LCT: variants seen among roughly 807,000 people sequenced by gnomAD.
LCT encodes the protein lactase/phlorizin hydrolase.
In LCT, 90 loss-of-function variants were observed where a neutral mutation model predicts 173.0. The ratio of observed to expected loss-of-function variants is 0.52; its 90% CI spans 0.44 to 0.62. The LOEUF (loss-of-function observed/expected upper bound fraction) is 0.62. LCT is among the 20% of genes least tolerant of loss of function. The probability of loss-of-function intolerance (pLI) is 0.00; values close to 1 mark genes in which losing one functional copy is unlikely to be tolerated. For missense variants in LCT, 1,864 were observed against 2,431.4 expected (o/e 0.77, Z 4.91); for synonymous variants, 853 against 957.6 (o/e 0.89, Z 2.02).
intron 6 of LCT, among the ~76,000 whole-genome samples, chr2:135,813,727 T>C (rs536009527): frequency 1.3e-5 from 2 of 152,358 alleles, no homozygotes; most frequent in African/African-American, 4.8e-5. Context: ...CCTTAATAAG[T>C]GCTTTTTGAG....
chr2:135,817,981 G>T lies in LCT; in HGVS notation c.1067C>A (p.Ala356Asp), dbSNP rs1351009356. Residue 356 changes from alanine to aspartate, a missense_variant, in exon 6 of 17, where the codon GCC becomes GAC. Around this residue, in one of 4 missense-constraint regions of LCT, gnomAD observed 412 missense variants for 462.0 expected, o/e 0.89. Transcript: ENST00000264162. ...QDHETTDSSP[A>D]SAYQRIWEAF... ...TTCCCAGATTCTCTGATAGGCAGAG[G>T]CAGGAGAGGAGTCCGTGGTCTCGTG... 2 of 1,613,580 alleles carry T rather than the reference G, an allele frequency of 1.2e-6. No individual in the cohort carries two copies. Among genetic ancestry groups the T allele is most frequent in the Non-Finnish European group, 1.7e-6 (2 of 1,179,978 alleles).
In LCT at chr2:135,822,243, C is replaced by T. The variant is rs1004573091; in HGVS notation, c.908-145G>A. On this transcript the variant is annotated intron_variant, in intron 4 of 16. Transcript: ENST00000264162. ...CCCTTTGGAAAATACCATGGGCTAA[C>T]GACTTTAAAAGCTTAGAAGTGAATT... 3.8e-5 allele frequency: 25 copies of T among 663,892 alleles called. No individual in the cohort carries two copies. In the Admixed American group the frequency reaches 4.1e-4, roughly 11 times the overall value. The allele number at this position is 663,892 out of a possible 1,614,324, so 41.1% of individuals were successfully genotyped here. A position where few individuals can be genotyped will look rare whatever the true frequency, so the allele number is the denominator to read the frequency against.
chr2:135,809,812 G>C lies in LCT; in HGVS notation c.2535C>G (p.Asn845Lys). The C allele has an allele frequency of 1.2e-6, 2 of 1,614,140 alleles. No individual in the cohort carries two copies. Among genetic ancestry groups the C allele is most frequent in the Non-Finnish European group, 1.7e-6 (2 of 1,180,032 alleles). Residue 845 changes from asparagine (N) to lysine (K), a missense_variant, in exon 8 of 17, where the codon AAC (asparagine) becomes AAG (lysine). Coordinates refer to ENST00000264162, the MANE Select transcript of LCT (RefSeq NM_002299.4). This position sits in a 1 kb window ranked among gnomAD's most constrained non-coding sequence, Gnocchi z 5.5. The part of the protein sequence containing the change: ...AYFFTSIIEK[N>K]GFLTKGAKRL... ...TTTTTGCCCCCTTGGTGAGGAAACC[G>C]TTCTTTTCTATGATGCTAGTGAAAA...
rs758004936 is a variant in LCT, at chr2:135,808,427, C to CT, written c.3904+15dup. The CT allele has an allele frequency of 1.1e-5, 17 of 1,590,056 alleles. No individual in the cohort carries two copies. In the Admixed American group the frequency reaches 1.3e-4, roughly 12 times the overall value. On this transcript the variant is annotated intron_variant, in intron 8 of 16. Coordinates refer to ENST00000264162, the MANE Select transcript of LCT (RefSeq NM_002299.4). ...TGTTGGAAGATTTCTTTAAGGGGAA[C>CT]TGAACCCTCACACACCTTTCAAAGC...
At chr2:135,814,469 T>C (rs1236542961) in intron 6 of LCT, among the ~76,000 whole-genome samples, 1 of 151,480 alleles carries the variant, frequency 6.6e-6, no homozygotes, top group African/African-American at 2.4e-5. Context: ...GACAACATCA[T>C]AAATGCAAAG....
At chr2:135,823,668 C>T (rs1215407694) in intron 4 of LCT, among the ~76,000 whole-genome samples, 1 of 152,172 alleles carries the variant, frequency 6.6e-6, no homozygotes, top group African/African-American at 2.4e-5. Flanking sequence ...TCTTTATGTC[C>T]ATAAGAGGCA....
intron 3 of LCT, 95 bp from the exon 4 acceptor site, chr2:135,824,098 A>G (rs747796113): frequency 2.4e-6 from 2 of 831,808 alleles, no homozygotes; most frequent in Non-Finnish European, 4.1e-6. Context: ...TGTGGCACTT[A>G]CTCTGGCTTT....
At chr2:135,825,280 C>T (rs2077878774) in intron 3 of LCT, among the ~76,000 whole-genome samples, 2 of 152,142 alleles carry the variant, frequency 1.3e-5, no homozygotes, top group African/African-American at 2.4e-5. Context: ...TTCTCATAGC[C>T]ACCTGTGACT....
At chr2:135,793,140 T>G (rs2077546420) in intron 14 of LCT, among the ~76,000 whole-genome samples, 1 of 152,200 alleles carries the variant, frequency 6.6e-6, no homozygotes, top group African/African-American at 2.4e-5. Flanking sequence ...CATGACAACT[T>G]CACTGCTCGC....
chr2:135,826,531 G>C (rs1378874077), intron 3 of LCT, among the ~76,000 whole-genome samples: 1 of 152,022 alleles, frequency 6.6e-6, no homozygotes, highest in Non-Finnish European at 1.5e-5. Context: ...ATGCCACGGG[G>C]CACTCCAGCC....
chr2:135,837,124 A>T lies in LCT; in HGVS notation c.46T>A (p.Ser16Thr), dbSNP rs1204399006. ...HVVFIALLSF[S>T]CWGSDWESDR... is the part of the protein sequence containing the mutation. ...GACTCCCAGTCTGACCCCCAGCATG[A>T]AAAACTTAGCAGGGCAATAAAGACT... Residue 16 changes from serine to threonine, a missense_variant, in exon 1 of 17, where the codon TCA becomes ACA. By Grantham distance (58) the Ser-to-Thr change is moderately conservative (BLOSUM62 1). Around this residue, in one of 4 missense-constraint regions of LCT, gnomAD observed 412 missense variants for 462.0 expected, o/e 0.89. Transcript: ENST00000264162. 1.2e-6 allele frequency: 2 copies of T among 1,613,924 alleles called. No individual in the cohort carries two copies. The highest frequency in any genetic ancestry group is 1.7e-5 in the Admixed American group (1 of 59,996).
In LCT at chr2:135,792,136, A is replaced by C. The variant is rs2105518356; in HGVS notation, c.5112-1255T>G. On this transcript the variant is annotated intron_variant, in intron 14 of 16. Coordinates refer to ENST00000264162, the MANE Select transcript of LCT (RefSeq NM_002299.4). Reference sequence around the variant, plus strand: ...CCTCTCTGGGGACCTGAACATCCAGATCATAGGAGAAGGATTTAACCTTAC... The same window carrying C: ...CCTCTCTGGGGACCTGAACATCCAGCTCATAGGAGAAGGATTTAACCTTAC... Among the ~76,000 whole-genome samples, 2 of 152,332 alleles carry C rather than the reference A, an allele frequency of 1.3e-5. 1 individual carries two copies. The highest frequency in any genetic ancestry group is 4.1e-4 in the South Asian group (2 of 4,828).
At chr2:135,833,775 G>A (rs1172552289) in intron 1 of LCT, among the ~76,000 whole-genome samples, 1 of 151,998 alleles carries the variant, frequency 6.6e-6, no homozygotes. Context: ...GCACAGTTCA[G>A]TATTATTAAG....
At chr2:135,804,346 C>A (rs1264050476) in intron 10 of LCT, among the ~76,000 whole-genome samples, 1 of 152,168 alleles carries the variant, frequency 6.6e-6, no homozygotes, top group Non-Finnish European at 1.5e-5. Context: ...CTCTTTTATG[C>A]TTTTCAAATT....
At position 135,817,650 on chromosome 2, in the gene LCT, C is replaced by G. The variant is rs1241976714; in HGVS notation, c.1398G>C (p.Gly466=). 6.2e-7 allele frequency: 1 copy of G among 1,613,694 alleles called. No homozygotes were observed. The highest frequency in any genetic ancestry group is 1.3e-5 in the African/African-American group (1 of 74,932). ...SWSRIFPMGH[G]SSPSLPGVAY... ...CAACGCCTGGGAGGCTGGGGCTGCT[C>G]CCGTGCCCCATGGGGAAGATCCGGG... The change falls in exon 6 of 17, where the codon GGG becomes GGC. Residue 466 remains glycine, a synonymous_variant. Coordinates refer to ENST00000264162, the MANE Select transcript of LCT (RefSeq NM_002299.4).
At chr2:135,810,620 C>T (rs1319996153) in intron 7 of LCT, among the ~76,000 whole-genome samples, 1 of 151,820 alleles carries the variant, frequency 6.6e-6, no homozygotes. Context: ...TATGCTTTTG[C>T]TTTTCCTTGT....
chr2:135,818,793 C>T (rs112347136), intron 5 of LCT, among the ~76,000 whole-genome samples: 7,606 of 152,186 alleles, frequency 0.05, 346 homozygotes, highest in African/African-American at 0.12. Flanking sequence ...GCTGAGATCA[C>T]GCCATTGCAC....
intron 5 of LCT, among the ~76,000 whole-genome samples, chr2:135,819,851 G>C (rs941774537): frequency 5.3e-5 from 8 of 152,136 alleles, no homozygotes; most frequent in African/African-American, 1.9e-4. Context: ...GGCCCTGACT[G>C]TCCTCCTGGA....
intron 6 of LCT, 132 bp from the exon 7 acceptor site, chr2:135,813,088 CA>C (rs1206668965): frequency 5.0e-6 from 4 of 806,550 alleles, no homozygotes; most frequent in Non-Finnish European, 8.5e-6. Context: ...TTGACATTGT[CA>C]ATATTGACAA....
Sources: gnomAD v4.1 joint callset for allele counts (sites outside exome capture counted in the v4.1 genomes callset) on GRCh38, gnomAD v4.1.1 for gene constraint, gnomAD v4.1.1 regional missense constraint, Gnocchi (gnomAD v3.1) non-coding constraint, MANE v1.5 for transcripts, NCBI Gene and HGNC (gene_info 2026-07-23, HGNC 2026-07-21) for gene names.